The following ZNHIT6 variants were observed in gnomAD, a reference collection of about 807,000 sequenced individuals.
ZNHIT6 encodes the protein zinc finger HIT-type containing 6, also known as box C/D snoRNA protein 1.
A neutral mutation model predicts 57.2 loss-of-function variants in ZNHIT6; 45 were observed. The observed-to-expected ratio is 0.79, with a 90% confidence interval of 0.62 to 1.01. ZNHIT6 has a LOEUF of 1.01. Ranked by LOEUF, ZNHIT6 falls within the 50% of genes least tolerant of loss-of-function variation. ZNHIT6 has a pLI of 0.00. For synonymous variants in ZNHIT6, 188 were observed against 190.0 expected (o/e 0.99, Z 0.09); for missense variants, 528 against 567.3 (o/e 0.93, Z 0.70).
intron 5 of ZNHIT6, among the ~76,000 whole-genome samples, chr1:85,692,978 C>T (rs1028815452): frequency 5.9e-5 from 9 of 152,044 alleles, no homozygotes; most frequent in African/African-American, 1.2e-4. Flanking sequence ...TAGTAATAGG[C>T]GCACCTCTAT....
At chr1:85,687,970 G>C (rs1662111673) in intron 5 of ZNHIT6, among the ~76,000 whole-genome samples, 1 of 151,334 alleles carries the variant, frequency 6.6e-6, no homozygotes. Context: ...TTGAACCCCG[G>C]AGACAGAGGT....
At position 85,705,159 on chromosome 1, in the gene ZNHIT6, T is replaced by C. The variant is rs535279330; in HGVS notation, c.915+919A>G. On this transcript the variant is annotated intron_variant, in intron 4 of 9. Coordinates refer to ENST00000370574, the MANE Select transcript of ZNHIT6 (RefSeq NM_017953.4). The stretch of plus-strand genomic sequence containing the variant: ...GGTTTTTCAAAAGGCAAATTTATGT[T>C]CAAAACCCTTCCATGGTTTCCATTT... Among the ~76,000 whole-genome samples the C allele has an allele frequency of 2.6e-5, 4 of 152,324 alleles. No individual in the cohort carries two copies. The South Asian group carries it at 8.3e-4, about 32-fold the overall frequency.
At chr1:85,668,546 T>C (rs901452036) in intron 8 of ZNHIT6, among the ~76,000 whole-genome samples, 1 of 152,208 alleles carries the variant, frequency 6.6e-6, no homozygotes, top group Non-Finnish European at 1.5e-5. Context: ...TCTTAGAAAT[T>C]CTGGAATTTC....
chr1:85,705,665 C>G (rs1193336435), intron 4 of ZNHIT6, among the ~76,000 whole-genome samples: 1 of 152,174 alleles, frequency 6.6e-6, no homozygotes, highest in African/African-American at 2.4e-5. Context: ...CTGGGATAAT[C>G]TGCCTCCAAA....
intron 5 of ZNHIT6, among the ~76,000 whole-genome samples, chr1:85,699,266 A>G (rs1662461547): frequency 6.6e-6 from 1 of 152,100 alleles, no homozygotes; most frequent in African/African-American, 2.4e-5. Flanking sequence ...TGAACAGCTG[A>G]TAAGACACAA....
rs532745835 is a variant in ZNHIT6 at position 85,650,447 on chromosome 1, A to T, written c.*3611T>A. The T allele has an allele frequency of 6.6e-6, 1 of 152,256 alleles. No individual in the cohort carries two copies. Among genetic ancestry groups the T allele is most frequent in the African/African-American group, 2.4e-5 (1 of 41,462 alleles). The allele number at this position is 152,256 out of a possible 1,614,324, so 9.4% of individuals were successfully genotyped here. On this transcript the variant is annotated 3_prime_UTR_variant, in exon 10 of 10. Transcript: ENST00000370574. ...AGTCATTGCCTGGACTTCCCTGTAT[A>T]TAAGCCAATGAACTGCCCTTCATGC...
intron 5 of ZNHIT6, among the ~76,000 whole-genome samples, chr1:85,692,966 T>A (rs1467480705): frequency 6.6e-6 from 1 of 152,196 alleles, no homozygotes; most frequent in East Asian, 1.9e-4. Context: ...TATTAAGTTG[T>A]TTAGTAATAG....
intron 5 of ZNHIT6, among the ~76,000 whole-genome samples, chr1:85,696,175 A>ATTTT (rs11327941): frequency 7.0e-6 from 1 of 143,738 alleles, no homozygotes; most frequent in South Asian, 2.2e-4. Flanking sequence ...TATTAACTGC[A>ATTTT]TTTTTTTTTT....
chr1:85,702,887 T>C (rs1426337982), intron 4 of ZNHIT6, among the ~76,000 whole-genome samples: 2 of 152,140 alleles, frequency 1.3e-5, no homozygotes, highest in South Asian at 2.1e-4. Context: ...AAGGAAGTAA[T>C]ACCAGATTTT....
intron 5 of ZNHIT6, among the ~76,000 whole-genome samples, chr1:85,697,300 T>G (rs1184775335): frequency 3.3e-5 from 5 of 152,210 alleles, no homozygotes; most frequent in Non-Finnish European, 7.3e-5. Flanking sequence ...TATTATGGTC[T>G]TTTTTGCCAT....
chr1:85,698,451 C>T lies in ZNHIT6; in HGVS notation c.1019+3706G>A, dbSNP rs538337369. Among the ~76,000 whole-genome samples the T allele has an allele frequency of 9.2e-5, 14 of 152,026 alleles. No individual in the cohort carries two copies. In the East Asian group the frequency reaches 9.7e-4, roughly 11 times the overall value. ...TGGCACATTCATCACACTTCATATA[C>T]GGGCTTTTACATTTAAAACTTTTTT... On this transcript the variant is annotated intron_variant, in intron 5 of 9. Coordinates refer to ENST00000370574, the MANE Select transcript of ZNHIT6 (RefSeq NM_017953.4).
chr1:85,673,082 CTGAGAATAGAAAGTTGGTAA>C (rs1661605893), intron 8 of ZNHIT6, among the ~76,000 whole-genome samples: 1 of 152,108 alleles, frequency 6.6e-6, no homozygotes, highest in Admixed American at 6.5e-5. Flanking sequence ...CATTTACTTT[CTGAGAATAGAAAGTTGGTAA>C]GAAATAAGGC....
intron 4 of ZNHIT6, among the ~76,000 whole-genome samples, chr1:85,703,606 C>A (rs974978921): frequency 6.6e-6 from 1 of 152,084 alleles, no homozygotes; most frequent in Admixed American, 6.5e-5. Context: ...TAAATGGGAA[C>A]TCCTCTGTAT....
At position 85,707,553 on chromosome 1, in the gene ZNHIT6, A is replaced by G. The variant is rs1483564265; in HGVS notation, c.656+76T>C. The G allele has an allele frequency of 2.1e-6, 3 of 1,430,210 alleles. No individual in the cohort carries two copies. In the African/African-American group the frequency reaches 4.3e-5, roughly 20 times the overall value. The allele number at this position is 1,430,210 out of a possible 1,614,324, so 88.6% of individuals were successfully genotyped here. A position where few individuals can be genotyped will look rare whatever the true frequency, so the allele number is the denominator to read the frequency against. ...TTTTTCATTATTCCACCTTCTCCTG[A>G]TAGTGTGGTTTCCTTCACTCTAGAC... On this transcript the variant is annotated intron_variant, in intron 1 of 9. Transcript: ENST00000370574.
chr1:85,677,348 AT>A, intron 7 of ZNHIT6, 35 bp from the exon 8 acceptor site: 1 of 1,546,820 alleles, frequency 6.5e-7, no homozygotes, highest in South Asian at 1.2e-5. Context: ...GGAAAAGCTG[AT>A]TTTTAATATA....
rs372212812 is a variant in ZNHIT6 at position 85,707,730 on chromosome 1, C to A, written c.555G>T (p.Glu185Asp). ...ELMHGECVKE[E>D]KDFLKKEIVD... ...CGATTTCTTTCTTCAGGAAATCCTTCTCTTCTTTTACACACTCTCCATGCA... is the reference window on the plus strand; with the variant it reads ...CGATTTCTTTCTTCAGGAAATCCTTATCTTCTTTTACACACTCTCCATGCA... The change falls in exon 1 of 10, where the codon GAG becomes GAT. Residue 185 changes from glutamate (E) to aspartate (D), a missense_variant. By Grantham distance (45) the Glu-to-Asp change is conservative (BLOSUM62 2). Transcript: ENST00000370574. 4 of 1,613,214 alleles carry A rather than the reference C, an allele frequency of 2.5e-6. No homozygotes were observed. The African/African-American group carries it at 5.3e-5, about 22-fold the overall frequency.
intron 6 of ZNHIT6, among the ~76,000 whole-genome samples, chr1:85,679,061 C>T (rs1661788244): frequency 6.6e-6 from 1 of 152,036 alleles, no homozygotes; most frequent in Non-Finnish European, 1.5e-5. Flanking sequence ...TAACACACAC[C>T]TGTACTCAAA....
chr1:85,695,292 AT>A (rs1457882415), intron 5 of ZNHIT6, among the ~76,000 whole-genome samples: 1 of 152,066 alleles, frequency 6.6e-6, no homozygotes, highest in Non-Finnish European at 1.5e-5. Context: ...AAATAAAGAT[AT>A]TTTAAGACAA....
Position 85,702,156 on chromosome 1 carries a change from C to G in ZNHIT6, c.1019+1G>C. On this transcript the variant is annotated splice_donor_variant, in intron 5 of 9. Coordinates refer to ENST00000370574, the MANE Select transcript of ZNHIT6 (RefSeq NM_017953.4). LOFTEE classifies it high-confidence loss of function. ...GATATACTAAAAAGTTAGAAACTTA[C>G]TTCTTATCAAAAAAGGTTGAATTCT... 1.3e-6 allele frequency: 2 copies of G among 1,592,260 alleles called. No individual in the cohort carries two copies. The highest frequency in any genetic ancestry group is 1.7e-6 in the Non-Finnish European group (2 of 1,167,862).
Sources: gnomAD v4.1 joint callset for allele counts (sites outside exome capture counted in the v4.1 genomes callset) on GRCh38, gnomAD v4.1.1 for gene constraint, MANE v1.5 for transcripts, NCBI Gene and HGNC (gene_info 2026-07-23, HGNC 2026-07-21) for gene names.